The following NDUFAF7 variants were observed in gnomAD, a reference collection of about 807,000 sequenced individuals.
NDUFAF7 encodes the protein protein arginine methyltransferase NDUFAF7, mitochondrial.
NDUFAF7 carries 48 observed loss-of-function variants against 47.2 expected under a neutral mutation model. The ratio of observed to expected loss-of-function variants is 1.02; its 90% confidence interval spans 0.81 to 1.29. The LOEUF is 1.29. Ranked by LOEUF, NDUFAF7 falls within the 50% of genes most tolerant of loss-of-function variation. NDUFAF7 has a pLI of 0.00. For missense variants in NDUFAF7, 635 were observed against 537.6 expected, an observed-to-expected ratio of 1.18 and a Z score of -1.79; for synonymous variants, 217 against 190.0, an observed-to-expected ratio of 1.14 and a Z score of -1.17.
chr2:37,265,689 A>T, the NDUFAF7 span, among the ~76,000 whole-genome samples: 4 of 152,226 alleles, frequency 2.6e-5, no homozygotes, highest in Non-Finnish European at 4.4e-5. Flanking sequence ...TATCTGACAT[A>T]AACAATTTGA....
chr2:37,233,167 A>G (rs1439166863), intron 2 of NDUFAF7, among the ~76,000 whole-genome samples: 1 of 152,224 alleles, frequency 6.6e-6, no homozygotes, highest in Admixed American at 6.5e-5. Flanking sequence ...TCGTACTTTT[A>G]GCTTGAGCAG....
chr2:37,232,001 G>A lies in NDUFAF7; in HGVS notation c.56-105G>A. 3 of 1,605,620 alleles carry A rather than the reference G, an allele frequency of 1.9e-6. No individual in the cohort carries two copies. The South Asian group carries it at 3.3e-5, about 18-fold the overall frequency. On this transcript the variant is annotated intron_variant, in intron 1 of 9. Transcript: ENST00000002125. ...CACAGTAGCCCGCGGTCTGCGGTGG[G>A]GCGAGGTTAAGGGTTCACGAAGCTG...
At chr2:37,246,260 G>A (rs1572567306) in intron 8 of NDUFAF7, 65 bp downstream of exon 8, 2 of 1,567,310 alleles carry the variant, frequency 1.3e-6, no homozygotes, top group Non-Finnish European at 1.8e-6. Flanking sequence ...CCATTGAAGA[G>A]CTTTGATTTC....
At chr2:37,240,284 A>G (rs1037816346) in intron 4 of NDUFAF7, among the ~76,000 whole-genome samples, 5 of 151,988 alleles carry the variant, frequency 3.3e-5, no homozygotes, top group Admixed American at 2.6e-4. Context: ...TCGTGGTAGC[A>G]TGCGTCTGTG....
downstream of NDUFAF7, chr2:37,254,098 G>C: frequency 1.3e-6 from 1 of 794,138 alleles, no homozygotes. Flanking sequence ...TCACTTAAGA[G>C]CACTTTTATT....
At chr2:37,251,929 A>G (rs952760232), downstream of NDUFAF7, 1 of 152,172 alleles carries the variant, frequency 6.6e-6, no homozygotes, top group Non-Finnish European at 1.5e-5. Context: ...GAAATAAGCC[A>G]CTGTTTCTTA....
intron 1 of NDUFAF7, 164 bp from the exon 2 acceptor site, chr2:37,231,942 G>C (rs892960659): frequency 3.8e-6 from 6 of 1,597,592 alleles, no homozygotes; most frequent in African/African-American, 2.7e-5. Context: ...GTGGGCAAGT[G>C]GGTGCTGTCT....
At chr2:37,255,502 C>G (rs1667860165), downstream of NDUFAF7, among the ~76,000 whole-genome samples, 1 of 152,112 alleles carries the variant, frequency 6.6e-6, no homozygotes, top group African/African-American at 2.4e-5. Context: ...CCAGGAGTTG[C>G]AAATTCAAAA....
chr2:37,236,030 G>T, intron 2 of NDUFAF7, 66 bp from the exon 3 acceptor site: 1 of 1,230,612 alleles, frequency 8.1e-7, no homozygotes, highest in Non-Finnish European at 1.2e-6. Flanking sequence ...TAAGATTTTG[G>T]AGGGGTATTT....
intron 4 of NDUFAF7, 56 bp downstream of exon 4, chr2:37,237,923 A>T: frequency 8.2e-7 from 1 of 1,214,816 alleles, no homozygotes; most frequent in Non-Finnish European, 1.2e-6. Flanking sequence ...AGTACTTCTG[A>T]GTGTGCAAAC....
intron 2 of NDUFAF7, among the ~76,000 whole-genome samples, chr2:37,232,933 A>G (rs1484746926): frequency 6.6e-6 from 1 of 152,158 alleles, no homozygotes; most frequent in East Asian, 1.9e-4. Context: ...CCTCTGTGGA[A>G]TTCTGGGGTT....
In NDUFAF7 at chr2:37,237,764, G is replaced by T; in HGVS notation, c.305G>T (p.Gly102Val). 1.9e-6 allele frequency: 3 copies of T among 1,601,572 alleles called. No homozygotes were observed. The highest frequency in any genetic ancestry group is 1.7e-6 in the Non-Finnish European group (2 of 1,168,786). The change falls in exon 4 of 10, where the codon GGT becomes GTT. Residue 102 changes from glycine to valine, a missense_variant. By Grantham distance (109) the Gly-to-Val change is moderately radical (BLOSUM62 -3). Transcript: ENST00000002125. ...EISQIFGELL[G>V]IWFISEWMAT... ...TTTTTTCCCTTTTCACAGCTACTAGGTATATGGTTCATTAGTGAATGGATG... is the reference window on the plus strand; with the variant it reads ...TTTTTTCCCTTTTCACAGCTACTAGTTATATGGTTCATTAGTGAATGGATG...
At chr2:37,256,627 AATTTTTTTTTTTT>A, downstream of NDUFAF7, 1 of 1,247,358 alleles carries the variant, frequency 8.0e-7, no homozygotes, top group Non-Finnish European at 1.0e-6. Context: ...ACATAGCCAA[AATTTTTTTTTTTT>A]TTTTTTTTTT....
chr2:37,236,146 T>C lies in NDUFAF7; in HGVS notation c.267T>C (p.Thr89=). The C allele has an allele frequency of 6.2e-7, 1 of 1,613,092 alleles. No individual in the cohort carries two copies. Among genetic ancestry groups the C allele is most frequent in the Non-Finnish European group, 8.5e-7 (1 of 1,179,126 alleles). ...DMLGEKGDFI[T]SPEISQIFGE... ...TAGGCGAAAAAGGAGATTTCATTAC[T>C]TCACCTGAAATAAGTCAAATCTTTG... Residue 89 remains threonine (T), a synonymous_variant, in exon 3 of 10, where the codon ACT becomes ACC. Transcript: ENST00000002125.
chr2:37,269,837 C>G, the NDUFAF7 span: 1 of 621,720 alleles, frequency 1.6e-6, no homozygotes, highest in African/African-American at 1.8e-5. Flanking sequence ...AAAACACAGG[C>G]TTTCTATGTT....
At chr2:37,254,545 C>G (rs1006021298), downstream of NDUFAF7, among the ~76,000 whole-genome samples, 1 of 152,168 alleles carries the variant, frequency 6.6e-6, no homozygotes, top group Admixed American at 6.5e-5. Flanking sequence ...ACCTGACTGC[C>G]TGGGCTGAAG....
At chr2:37,252,340 T>C (rs1468563962), downstream of NDUFAF7, 1 of 152,204 alleles carries the variant, frequency 6.6e-6, no homozygotes, top group African/African-American at 2.4e-5. Context: ...AATCCAGTAC[T>C]GGCATCAAGA....
intron 1 of NDUFAF7, 77 bp from the exon 2 acceptor site, chr2:37,232,029 T>C (rs1406953353): frequency 1.9e-6 from 3 of 1,611,778 alleles, no homozygotes; most frequent in African/African-American, 1.3e-5. Flanking sequence ...CGAAGCTGTT[T>C]TGAAAACGCT....
At chr2:37,250,462 T>C (rs1267061788), downstream of NDUFAF7, 3 of 152,170 alleles carry the variant, frequency 2.0e-5, no homozygotes, top group Non-Finnish European at 4.4e-5. Context: ...GAAAAAGTTA[T>C]ACTTTACAAG....
Sources: allele counts gnomAD v4.1 joint callset (sites outside exome capture counted in the v4.1 genomes callset), GRCh38; gene constraint gnomAD v4.1.1; transcripts MANE v1.5; gene names NCBI Gene and HGNC (gene_info 2026-07-23, HGNC 2026-07-21).